The following PDE1A variants were observed in gnomAD, a reference collection of about 807,000 sequenced individuals.
The protein encoded by PDE1A is dual specificity calcium/calmodulin-dependent 3',5'-cyclic nucleotide phosphodiesterase 1A.
Under a neutral mutation model 61.7 loss-of-function variants are expected in PDE1A, and 35 were observed. The observed-to-expected ratio is 0.57, with a 90% CI of 0.43 to 0.75. The LOEUF (loss-of-function observed/expected upper bound fraction) is 0.75. PDE1A is among the 30% of genes least tolerant of loss of function. The pLI is 0.00. For missense variants in PDE1A, 597 were observed against 630.6 expected, an observed-to-expected ratio of 0.95 and a Z score of 0.57; for synonymous variants, 232 against 213.2, an observed-to-expected ratio of 1.09 and a Z score of -0.77.
At chr2:182,228,935 T>C (rs548384084) in intron 6 of PDE1A, among the ~76,000 whole-genome samples, 2 of 152,314 alleles carry the variant, frequency 1.3e-5, no homozygotes, top group South Asian at 4.1e-4. Context: ...ATGTGATCTT[T>C]GCTAACAACT....
chr2:182,248,001 AC>A (rs1170464516), intron 2 of PDE1A, among the ~76,000 whole-genome samples: 1 of 152,198 alleles, frequency 6.6e-6, no homozygotes, highest in Non-Finnish European at 1.5e-5. Context: ...GAAACATACA[AC>A]GTGAAAAAAT....
the PDE1A span, among the ~76,000 whole-genome samples, chr2:182,607,436 T>G: frequency 6.6e-6 from 1 of 152,164 alleles, no homozygotes; most frequent in Non-Finnish European, 1.5e-5. Flanking sequence ...CACTATACAG[T>G]TGTCTCTCAG....
intron 2 of PDE1A, among the ~76,000 whole-genome samples, chr2:182,522,117 C>T (rs990372200): frequency 3.9e-5 from 6 of 152,140 alleles, no homozygotes; most frequent in South Asian, 2.1e-4. Context: ...AAAAATCATT[C>T]GTCTTTCAAC....
At chr2:182,689,777 G>A in the PDE1A span, among the ~76,000 whole-genome samples, 1,373 of 152,066 alleles carry the variant, frequency 9.0e-3, 14 homozygotes, top group South Asian at 0.054. Context: ...TTGATAGACC[G>A]CTAGCAAGAC....
intron 2 of PDE1A, among the ~76,000 whole-genome samples, chr2:182,254,289 G>A (rs73977323): frequency 0.032 from 4,834 of 152,108 alleles, 256 homozygotes; most frequent in African/African-American, 0.11. Context: ...CACCTACAGG[G>A]TGAGAACAGC....
chr2:182,146,526 C>T (rs1185776201), downstream of PDE1A, among the ~76,000 whole-genome samples: 4 of 152,136 alleles, frequency 2.6e-5, no homozygotes, highest in Non-Finnish European at 4.4e-5. Context: ...TGCACTGTCA[C>T]CCTGGCTGTA....
the PDE1A span, among the ~76,000 whole-genome samples, chr2:182,556,095 T>C: frequency 6.6e-6 from 1 of 151,190 alleles, no homozygotes; most frequent in Non-Finnish European, 1.5e-5. Context: ...AAAAAACTCA[T>C]TGGAAGACAA....
At chr2:182,701,852 G>A in the PDE1A span, among the ~76,000 whole-genome samples, 6 of 152,180 alleles carry the variant, frequency 3.9e-5, no homozygotes, top group African/African-American at 1.4e-4. Context: ...AAAACTAACT[G>A]ACTGAGACAA....
the PDE1A span, among the ~76,000 whole-genome samples, chr2:182,661,655 C>A: frequency 2.6e-5 from 4 of 152,176 alleles, no homozygotes; most frequent in South Asian, 4.1e-4. Context: ...GACAATGTGA[C>A]CACCTACAAA....
the PDE1A span, among the ~76,000 whole-genome samples, chr2:182,528,832 G>A: frequency 6.6e-6 from 1 of 152,242 alleles, no homozygotes; most frequent in South Asian, 2.1e-4. Flanking sequence ...CAAGCCCCAA[G>A]CCTTGGCAGC....
intron 2 of PDE1A, among the ~76,000 whole-genome samples, chr2:182,433,142 G>C (rs2125643221): frequency 6.6e-6 from 1 of 152,034 alleles, no homozygotes; most frequent in East Asian, 2.0e-4. Flanking sequence ...ATCCTCACAG[G>C]GCTAGCAGAA....
At chr2:182,304,344 TCTATC>T (rs949857239) in intron 1 of PDE1A, among the ~76,000 whole-genome samples, 8 of 152,228 alleles carry the variant, frequency 5.3e-5, no homozygotes, top group African/African-American at 1.9e-4. Context: ...GGTTTGATCT[TCTATC>T]CAGACAACTA....
chr2:182,402,794 T>TA (rs2125459099), intron 1 of PDE1A, among the ~76,000 whole-genome samples: 1 of 152,292 alleles, frequency 6.6e-6, no homozygotes, highest in East Asian at 1.9e-4. Flanking sequence ...AAAGGGCTAA[T>TA]ATCCAGAATC....
chr2:182,488,791 A>C, intron 2 of PDE1A, among the ~76,000 whole-genome samples: 1 of 152,230 alleles, frequency 6.6e-6, no homozygotes, highest in Non-Finnish European at 1.5e-5. Flanking sequence ...AAATTATGTA[A>C]AACACAGTCT....
At chr2:182,312,010 G>T (rs1375357211) in intron 1 of PDE1A, among the ~76,000 whole-genome samples, 6 of 152,040 alleles carry the variant, frequency 3.9e-5, no homozygotes, top group Non-Finnish European at 7.4e-5. Flanking sequence ...GTTTTAATTT[G>T]CATTTCCCTA....
At chr2:182,175,940 G>A (rs1161166309) in intron 13 of PDE1A, among the ~76,000 whole-genome samples, 1 of 142,612 alleles carries the variant, frequency 7.0e-6, no homozygotes, top group African/African-American at 2.8e-5. Context: ...ATTAAATAGG[G>A]AATCCTTTCC....
intron 1 of PDE1A, among the ~76,000 whole-genome samples, chr2:182,292,134 G>A (rs921179176): frequency 6.6e-6 from 1 of 151,966 alleles, no homozygotes; most frequent in African/African-American, 2.4e-5. Flanking sequence ...CATATAATTG[G>A]ATATGCTTTG....
chr2:182,517,945 A>G (rs1446066485), intron 2 of PDE1A, among the ~76,000 whole-genome samples: 2 of 152,188 alleles, frequency 1.3e-5, no homozygotes. Context: ...TTGCCTCCAG[A>G]AGAGAGAACA....
At chr2:182,438,539 G>A (rs186385492) in intron 2 of PDE1A, among the ~76,000 whole-genome samples, 19 of 152,122 alleles carry the variant, frequency 1.2e-4, no homozygotes, top group Admixed American at 3.9e-4. Context: ...AGGAAATTAT[G>A]CTGTTTTAGC....
Sources: gnomAD v4.1 joint callset for allele counts (sites outside exome capture counted in the v4.1 genomes callset) on GRCh38, gnomAD v4.1.1 for gene constraint, MANE v1.5 for transcripts, NCBI Gene and HGNC (gene_info 2026-07-23, HGNC 2026-07-21) for gene names.